Variants in RAB5IF observed in about 807,000 individuals in gnomAD.
RAB5IF encodes the protein GEL complex subunit OPTI.
A neutral mutation model predicts 20.3 loss-of-function variants in RAB5IF; 15 were observed. The observed-to-expected ratio is 0.74, with a 90% CI of 0.50 to 1.14. RAB5IF has a LOEUF of 1.14. Among genes scored for constraint, RAB5IF ranks in the 50% most tolerant of loss-of-function variants. The pLI, the probability that RAB5IF is intolerant of heterozygous loss-of-function variation, is 0.00. For synonymous variants in RAB5IF, 67 were observed against 63.7 expected (o/e 1.05, Z -0.25); for missense variants, 148 against 159.5 (o/e 0.93, Z 0.39).
chr20:36,609,195 G>GCACACACACACACA, intron 2 of RAB5IF, among the ~76,000 whole-genome samples: 1 of 34,004 alleles, frequency 2.9e-5, no homozygotes, highest in Non-Finnish European at 5.4e-5. Flanking sequence ...ACACACACAC[G>GCACACACACACACA]CACACACGCA....
intron 1 of RAB5IF, among the ~76,000 whole-genome samples, chr20:36,607,265 T>TTA: frequency 6.6e-6 from 1 of 151,234 alleles, no homozygotes; most frequent in African/African-American, 2.4e-5. Context: ...GTATCTTTTT[T>TTA]TTTTTTTTTT....
At chr20:36,609,529 C>T (rs541570240) in intron 2 of RAB5IF, 72 bp from the exon 3 acceptor site, 196 of 1,513,748 alleles carry the variant, frequency 1.3e-4, no homozygotes, top group African/African-American at 1.1e-3. Flanking sequence ...TGTGAGCCAC[C>T]ACACCCGGCC....
intron 2 of RAB5IF, among the ~76,000 whole-genome samples, chr20:36,609,156 T>TACATACATACACATACACACACACACAC: frequency 2.3e-4 from 4 of 17,050 alleles, no homozygotes; most frequent in African/African-American, 9.9e-4. Flanking sequence ...AGAACTATAT[T>TACATACATACACATACACACACACACAC]ACACACACAC....
intron 2 of RAB5IF, 24 bp from the exon 3 acceptor site, chr20:36,609,577 G>A (rs753827485): frequency 6.4e-7 from 1 of 1,553,584 alleles, no homozygotes; most frequent in Non-Finnish European, 8.7e-7. Flanking sequence ...ATTTATGTTT[G>A]GTACTTGTTC....
intron 2 of RAB5IF, among the ~76,000 whole-genome samples, chr20:36,609,155 T>TTACATACATACACA (rs1391305214): frequency 2.8e-4 from 7 of 25,258 alleles, no homozygotes; most frequent in South Asian, 1.3e-3. Flanking sequence ...GAGAACTATA[T>TTACATACATACACA]TACACACACA....
At chr20:36,606,209 A>G (rs774914351) in intron 1 of RAB5IF, 144 bp downstream of exon 1, 5 of 473,190 alleles carry the variant, frequency 1.1e-5, no homozygotes, top group Non-Finnish European at 1.5e-5. Context: ...TGTCAGAGCA[A>G]ACTTGGCGGG....
At chr20:36,607,506 A>G (rs2038962342) in intron 1 of RAB5IF, among the ~76,000 whole-genome samples, 1 of 152,208 alleles carries the variant, frequency 6.6e-6, no homozygotes, top group Non-Finnish European at 1.5e-5. Context: ...CTGGGATTAC[A>G]GGCTTCAGCC....
At chr20:36,611,511 A>C (rs955341028) in intron 3 of RAB5IF, among the ~76,000 whole-genome samples, 1 of 151,834 alleles carries the variant, frequency 6.6e-6, no homozygotes, top group Non-Finnish European at 1.5e-5. Context: ...AAAAAAAAAA[A>C]AAAACCACAA....
At chr20:36,609,247 A>T (rs2039041812) in intron 2 of RAB5IF, among the ~76,000 whole-genome samples, 1 of 134,094 alleles carries the variant, frequency 7.5e-6, no homozygotes, top group Non-Finnish European at 1.5e-5. Flanking sequence ...ACACACACAC[A>T]CACACACACT....
At chr20:36,609,174 C>G (rs1249756595) in intron 2 of RAB5IF, among the ~76,000 whole-genome samples, 1 of 23,730 alleles carries the variant, frequency 4.2e-5, no homozygotes, top group African/African-American at 1.9e-4. Flanking sequence ...CACACACACA[C>G]ACACACACAC....
rs1265470995 is a variant in RAB5IF, at chr20:36,606,058, A to G, written c.107A>G (p.Glu36Gly). The G allele has an allele frequency of 6.6e-7, 1 of 1,506,654 alleles. No individual in the cohort carries two copies. 93.3% of individuals were successfully genotyped at this position (1,506,654 alleles called of 1,614,324 possible). A position where few individuals can be genotyped will look rare whatever the true frequency, so the allele number is the denominator to read the frequency against. ...GTGCTGCGGAGCGACGCGGCCTGGG[A>G]GGATAAGGTACGGTGGAGTCTGAAC... Reference protein sequence around the residue: ...SKVLRSDAAWEDKDEFLDVIY... With the variant: ...SKVLRSDAAWGDKDEFLDVIY... The change falls in exon 1 of 4, where the codon GAG becomes GGG. Residue 36 changes from glutamate (E) to glycine (G), a missense_variant. Coordinates refer to ENST00000344795, the MANE Select transcript of RAB5IF (RefSeq NM_018840.5).
intron 3 of RAB5IF, among the ~76,000 whole-genome samples, chr20:36,610,313 A>G (rs533156892): frequency 9.2e-4 from 140 of 152,258 alleles, no homozygotes; most frequent in Non-Finnish European, 1.6e-3. Context: ...TATTTTTCAT[A>G]ATAGCTAAAA....
In RAB5IF at chr20:36,607,806, T is replaced by C; in HGVS notation, c.206T>C (p.Leu69Ser). ...IWGVLPLRGFLGIAGFCLINA... is the reference protein window; with the variant it reads ...IWGVLPLRGFSGIAGFCLINA... ...GGAGTTTTGCCATTACGAGGGTTCT[T>C]GGGAATAGCAGGGTAAGTCTTGGGT... The change falls in exon 2 of 4, where the codon TTG (leucine) becomes TCG (serine). Residue 69 changes from leucine (L) to serine (S), a missense_variant. Physicochemically the swap from Leu to Ser is moderately radical, Grantham distance 145 (BLOSUM62 -2). Coordinates refer to ENST00000344795, the MANE Select transcript of RAB5IF (RefSeq NM_018840.5). 1 of 1,613,914 alleles carries C rather than the reference T, an allele frequency of 6.2e-7. No homozygotes were observed. Among genetic ancestry groups the C allele is most frequent in the Non-Finnish European group, 8.5e-7 (1 of 1,179,848 alleles).
chr20:36,607,745 C>T lies in RAB5IF; in HGVS notation c.145C>T (p.Arg49Ter), dbSNP rs1568594410. The T allele has an allele frequency of 6.2e-7, 1 of 1,613,956 alleles. No individual in the cohort carries two copies. ...DEFLDVIYWFRQIIAVVLGVI... is the reference protein window; with the variant it reads ...DEFLDVIYWF ...ATTTTTAGATGTGATCTACTGGTTC[C>T]GACAGATCATTGCTGTGGTCCTGGG... Residue 49 changes from arginine (R) to a stop codon, truncating the protein, a stop_gained, in exon 2 of 4, where the codon CGA becomes TGA. Transcript: ENST00000344795. LOFTEE classifies it high-confidence loss of function.
intron 3 of RAB5IF, among the ~76,000 whole-genome samples, chr20:36,611,050 C>T (rs528523607): frequency 1.9e-4 from 29 of 152,274 alleles, no homozygotes; most frequent in Admixed American, 7.2e-4. Context: ...AGTGCAGTGG[C>T]GCAGTCTTGG....
intron 3 of RAB5IF, among the ~76,000 whole-genome samples, chr20:36,610,586 T>C (rs1256828053): frequency 3.3e-5 from 5 of 152,034 alleles, no homozygotes; most frequent in East Asian, 3.9e-4. Context: ...TCCCAGCTAC[T>C]TGGGAGGCTG....
chr20:36,606,470 A>G (rs1260533871), intron 1 of RAB5IF, among the ~76,000 whole-genome samples: 1 of 152,238 alleles, frequency 6.6e-6, no homozygotes, highest in Non-Finnish European at 1.5e-5. Context: ...TCTGCTGAGA[A>G]TGCTTTCTAC....
At chr20:36,610,233 A>G (rs1227880930) in intron 3 of RAB5IF, among the ~76,000 whole-genome samples, 2 of 151,926 alleles carry the variant, frequency 1.3e-5, no homozygotes, top group Non-Finnish European at 2.9e-5. Flanking sequence ...GCAGTGAGCC[A>G]AGATCGCGCC....
At position 36,609,674 on chromosome 20, in the gene RAB5IF, G is replaced by T. The variant is rs2039062537; in HGVS notation, c.292G>T (p.Gly98Cys). The change falls in exon 3 of 4, where the codon GGT becomes TGT. Residue 98 changes from glycine to cysteine, a missense_variant. Physicochemically the swap from Gly to Cys is radical, Grantham distance 159. Coordinates refer to ENST00000344795, the MANE Select transcript of RAB5IF (RefSeq NM_018840.5). The stretch of plus-strand genomic sequence containing the variant: ...CCTACAGATTGATGAGGAAGAATAT[G>T]GTGGCACGTGGGAGCTCACGAAGGA... ...NYLQIDEEEYGGTWELTKEGF... is the reference protein window; with the variant it reads ...NYLQIDEEEYCGTWELTKEGF... 2 of 1,614,116 alleles carry T rather than the reference G, an allele frequency of 1.2e-6. No individual in the cohort carries two copies. The highest frequency in any genetic ancestry group is 1.7e-6 in the Non-Finnish European group (2 of 1,179,984).
Sources: allele counts gnomAD v4.1 joint callset (sites outside exome capture counted in the v4.1 genomes callset), GRCh38; gene constraint gnomAD v4.1.1; transcripts MANE v1.5; gene names NCBI Gene and HGNC (gene_info 2026-07-23, HGNC 2026-07-21).